The following LRMDA variants were observed in gnomAD, a reference collection of about 807,000 sequenced individuals.
LRMDA encodes the protein leucine rich melanocyte differentiation associated.
In LRMDA, 18 loss-of-function variants were observed where a neutral mutation model predicts 29.8. The observed-to-expected ratio is 0.60, with a 90% CI of 0.42 to 0.90. The LOEUF (loss-of-function observed/expected upper bound fraction) is 0.90. Among genes scored for constraint, LRMDA ranks in the 40% least tolerant of loss-of-function variants. LRMDA has a pLI of 0.00. For synonymous variants in LRMDA, 125 were observed against 109.4 expected (o/e 1.14, Z -0.89); for missense variants, 273 against 273.9 (o/e 1.00, Z 0.02).
chr10:75,823,685 AGTGTGTGTGTGT>A (rs141426887), intron 2 of LRMDA, among the ~76,000 whole-genome samples: 38,011 of 144,018 alleles, frequency 0.26, 5,892 homozygotes, highest in South Asian at 0.41. Flanking sequence ...ATTAAAATGT[AGTGTGTGTGTGT>A]GTGTGTGTGT....
intron 2 of LRMDA, among the ~76,000 whole-genome samples, chr10:75,989,505 A>G (rs1019747797): frequency 6.6e-6 from 1 of 152,220 alleles, no homozygotes; most frequent in Admixed American, 6.5e-5. Flanking sequence ...AACCACCCCC[A>G]TGATCCAGTC....
In LRMDA at chr10:75,541,604, T is replaced by C. The variant is rs533547193; in HGVS notation, c.131+103110T>C. ...GGATTGTAGGAGGAATACATAGTGTTTGTTTAAAGCATCAGGTATTGAGAA... is the reference window on the plus strand; with the variant it reads ...GGATTGTAGGAGGAATACATAGTGTCTGTTTAAAGCATCAGGTATTGAGAA... On this transcript the variant is annotated intron_variant, in intron 2 of 6. Coordinates refer to ENST00000611255, the MANE Select transcript of LRMDA (RefSeq NM_001305581.2). Among the ~76,000 whole-genome samples the C allele has an allele frequency of 1.5e-4, 23 of 152,278 alleles. No homozygotes were observed. The South Asian group carries it at 4.4e-3, about 29-fold the overall frequency.
chr10:75,528,858 G>A (rs536316937), intron 2 of LRMDA, among the ~76,000 whole-genome samples: 1 of 152,196 alleles, frequency 6.6e-6, no homozygotes, highest in South Asian at 2.1e-4. Context: ...AGATAGCATA[G>A]CACTGAAACA....
At chr10:76,519,290 T>C (rs1843095540) in intron 6 of LRMDA, among the ~76,000 whole-genome samples, 1 of 152,154 alleles carries the variant, frequency 6.6e-6, no homozygotes, top group Admixed American at 6.5e-5. Context: ...ATTGAAAAAG[T>C]GGCATGCATT....
intron 6 of LRMDA, among the ~76,000 whole-genome samples, chr10:76,520,735 G>C (rs915657495): frequency 2.6e-5 from 4 of 152,046 alleles, no homozygotes; most frequent in African/African-American, 9.7e-5. Context: ...CATTATTCCT[G>C]CTTCAGGCCA....
At chr10:75,489,850 C>T (rs937425728) in intron 2 of LRMDA, among the ~76,000 whole-genome samples, 3 of 152,110 alleles carry the variant, frequency 2.0e-5, no homozygotes, top group African/African-American at 7.2e-5. Flanking sequence ...TAATAATGTT[C>T]CATGGATGAA....
At chr10:75,612,973 TAA>T (rs944112307) in intron 2 of LRMDA, among the ~76,000 whole-genome samples, 8 of 152,230 alleles carry the variant, frequency 5.3e-5, no homozygotes, top group African/African-American at 1.9e-4. Flanking sequence ...TTTGCTGTGC[TAA>T]GAGCATTACT....
chr10:75,753,411 G>A (rs1371116996), intron 2 of LRMDA, among the ~76,000 whole-genome samples: 1 of 152,168 alleles, frequency 6.6e-6, no homozygotes, highest in African/African-American at 2.4e-5. Context: ...TGATTTGGAG[G>A]AAGAGGCCTA....
Position 75,431,648 on chromosome 10 carries a change from G to A in LRMDA, c.-77G>A, listed in dbSNP as rs950236420. 1.3e-5 allele frequency: 15 copies of A among 1,185,030 alleles called. No individual in the cohort carries two copies. The highest frequency in any genetic ancestry group is 1.5e-5 in the Non-Finnish European group (14 of 954,480). The allele number at this position is 1,185,030 out of a possible 1,614,324, so 73.4% of individuals were successfully genotyped here. A position where few individuals can be genotyped will look rare whatever the true frequency, so the allele number is the denominator to read the frequency against. On this transcript the variant is annotated 5_prime_UTR_variant, in exon 1 of 7. Coordinates refer to ENST00000611255, the MANE Select transcript of LRMDA (RefSeq NM_001305581.2). The stretch of plus-strand genomic sequence containing the variant: ...CAGTGCGGAACTGTGCGCCCGCCGC[G>A]CTCCCCTGCCGCGCTCCCCGCTGCT...
chr10:75,551,040 CT>C (rs527944838), intron 2 of LRMDA, among the ~76,000 whole-genome samples: 25 of 146,212 alleles, frequency 1.7e-4, no homozygotes, highest in Non-Finnish European at 2.4e-4. Flanking sequence ...CAGCAATTAT[CT>C]TTTTTTTTTA....
At position 76,146,997 on chromosome 10, in the gene LRMDA, A is replaced by G. The variant is rs531372236; in HGVS notation, c.516+88214A>G. Among the ~76,000 whole-genome samples, 196 of 152,346 alleles carry G rather than the reference A, an allele frequency of 1.3e-3. 1 individual carries two copies. The highest frequency in any genetic ancestry group is 3.4e-3 in the Middle Eastern group (1 of 294). On this transcript the variant is annotated intron_variant, in intron 5 of 6. Coordinates refer to ENST00000611255, the MANE Select transcript of LRMDA (RefSeq NM_001305581.2). ...TGGGTTGAAAATTCTTTTCTTAAGA[A>G]TGTTGAATATTGGTCCCCACTCTCT...
intron 2 of LRMDA, among the ~76,000 whole-genome samples, chr10:75,745,428 C>T (rs1842880107): frequency 6.6e-6 from 1 of 151,776 alleles, no homozygotes; most frequent in Admixed American, 6.6e-5. Flanking sequence ...TAGACTTAGT[C>T]ATTCTACATT....
At chr10:76,410,573 T>G (rs919732193) in intron 6 of LRMDA, among the ~76,000 whole-genome samples, 2 of 152,048 alleles carry the variant, frequency 1.3e-5, no homozygotes, top group Non-Finnish European at 1.5e-5. Context: ...CTTCCCAAAG[T>G]GCTGGGATTA....
At chr10:76,254,888 T>C (rs1357876852) in intron 5 of LRMDA, among the ~76,000 whole-genome samples, 1 of 152,164 alleles carries the variant, frequency 6.6e-6, no homozygotes, top group Non-Finnish European at 1.5e-5. Context: ...AACTCCATGT[T>C]GAAAAACCTT....
chr10:76,307,193 G>A (rs1840566772), intron 5 of LRMDA, among the ~76,000 whole-genome samples: 1 of 152,120 alleles, frequency 6.6e-6, no homozygotes, highest in African/African-American at 2.4e-5. Flanking sequence ...CCAAAGCTTA[G>A]AAGAATAAAA....
chr10:75,867,963 A>G (rs952318033), intron 2 of LRMDA, among the ~76,000 whole-genome samples: 1 of 152,234 alleles, frequency 6.6e-6, no homozygotes, highest in African/African-American at 2.4e-5. Flanking sequence ...TGAATTTCAT[A>G]TAATTCCCCA....
chr10:75,583,988 C>G (rs1344401297), intron 2 of LRMDA, among the ~76,000 whole-genome samples: 2 of 152,160 alleles, frequency 1.3e-5, no homozygotes, highest in Non-Finnish European at 2.9e-5. Context: ...TCCCAGCCCC[C>G]CCATAGGGAC....
intron 6 of LRMDA, among the ~76,000 whole-genome samples, chr10:76,519,529 G>A (rs1206443074): frequency 6.6e-6 from 1 of 152,284 alleles, no homozygotes; most frequent in East Asian, 1.9e-4. Context: ...GTTTGGCAGG[G>A]AGAAGGACAT....
At chr10:75,741,594 T>A (rs1368276367) in intron 2 of LRMDA, among the ~76,000 whole-genome samples, 1 of 152,062 alleles carries the variant, frequency 6.6e-6, no homozygotes, top group Non-Finnish European at 1.5e-5. Flanking sequence ...GGTTATGGGG[T>A]CATCTTAGAA....
Sources: allele counts gnomAD v4.1 joint callset (sites outside exome capture counted in the v4.1 genomes callset), GRCh38; gene constraint gnomAD v4.1.1; transcripts MANE v1.5; gene names NCBI Gene and HGNC (gene_info 2026-07-23, HGNC 2026-07-21).